The following KCNJ1 variants were observed in gnomAD, a reference collection of about 807,000 sequenced individuals.
KCNJ1 encodes ATP-sensitive inward rectifier potassium channel 1.
A neutral mutation model predicts 21.9 loss-of-function variants in KCNJ1; 24 were observed. The observed-to-expected ratio is 1.10, with a 90% CI of 0.79 to 1.54. KCNJ1 has a LOEUF of 1.54. KCNJ1 is among the 40% of genes most tolerant of loss of function. The pLI, the probability that KCNJ1 is intolerant of heterozygous loss-of-function variation, is 0.00. For synonymous variants in KCNJ1, 152 were observed against 160.9 expected (o/e 0.94, Z 0.42); for missense variants, 457 against 455.4 (o/e 1.00, Z -0.03).
At chr11:128,866,828 T>C (rs2135966627) in intron 1 of KCNJ1, among the ~76,000 whole-genome samples, 1 of 152,292 alleles carries the variant, frequency 6.6e-6, no homozygotes, top group African/African-American at 2.4e-5. Context: ...AAGGTCTTGC[T>C]ACAATTGAAA....
At chr11:128,852,211 C>T (rs1943489191) in intron 1 of KCNJ1, among the ~76,000 whole-genome samples, 1 of 152,234 alleles carries the variant, frequency 6.6e-6, no homozygotes, top group African/African-American at 2.4e-5. Context: ...TACCTTGAGT[C>T]ATACTACGTG....
chr11:128,839,312 G>T lies in KCNJ1; in HGVS notation c.932C>A (p.Ser311Tyr), dbSNP rs1462790981. 5.0e-6 allele frequency: 8 copies of T among 1,614,082 alleles called. No homozygotes were observed. The East Asian group carries it at 1.8e-4, about 36-fold the overall frequency. Residue 311 changes from serine to tyrosine, a missense_variant, in exon 3 of 3, where the codon TCC becomes TAC. Ser to Tyr is a moderately radical substitution (Grantham distance 144, BLOSUM62 -2). Coordinates refer to ENST00000392666, the MANE Select transcript of KCNJ1 (RefSeq NM_153766.3). ...LWGYRFAPIV[S>Y]KTKEGKYRVD... ...TCGGTATTTCCCTTCCTTTGTCTTGGATACTATGGGAGCAAAACGGTAGCC... is the reference window on the plus strand; with the variant it reads ...TCGGTATTTCCCTTCCTTTGTCTTGTATACTATGGGAGCAAAACGGTAGCC...
At chr11:128,854,700 C>A (rs959730357) in intron 1 of KCNJ1, among the ~76,000 whole-genome samples, 1 of 152,214 alleles carries the variant, frequency 6.6e-6, no homozygotes, top group Non-Finnish European at 1.5e-5. Flanking sequence ...TCCTTGCGTA[C>A]TTCCTGAATA....
chr11:128,863,237 T>C (rs2135962903), intron 1 of KCNJ1, among the ~76,000 whole-genome samples: 1 of 152,328 alleles, frequency 6.6e-6, no homozygotes, highest in Admixed American at 6.5e-5. Flanking sequence ...ATACAATTCC[T>C]GAATCCCAGC....
intron 1 of KCNJ1, among the ~76,000 whole-genome samples, chr11:128,853,891 G>A (rs965665331): frequency 6.6e-6 from 1 of 152,230 alleles, no homozygotes; most frequent in South Asian, 2.1e-4. Context: ...AGTACGGAAA[G>A]TATTATTCTG....
chr11:128,852,758 C>T lies in KCNJ1; in HGVS notation c.-191-1868G>A, dbSNP rs551081549. Among the ~76,000 whole-genome samples, 149 of 152,376 alleles carry T rather than the reference C, an allele frequency of 9.8e-4. 1 individual carries two copies. The highest frequency in any genetic ancestry group is 3.5e-3 in the African/African-American group (145 of 41,590). ...ACAGGACACTGCCCGGGAGACTTCC[C>T]AGCTGCGTCCTCCAGCAAATGTCTT... On this transcript the variant is annotated intron_variant, in intron 1 of 2. Transcript: ENST00000392666.
intron 1 of KCNJ1, among the ~76,000 whole-genome samples, chr11:128,853,564 C>T (rs913648468): frequency 6.6e-6 from 1 of 152,144 alleles, no homozygotes; most frequent in Non-Finnish European, 1.5e-5. Context: ...TGAAAATGTT[C>T]CGGTATTGAT....
At chr11:128,866,588 G>A in intron 1 of KCNJ1, 1 of 928,670 alleles carries the variant, frequency 1.1e-6, no homozygotes, top group Non-Finnish European at 1.3e-6. Flanking sequence ...ACAGTCATTA[G>A]GAAGCTGAAC....
intron 1 of KCNJ1, among the ~76,000 whole-genome samples, chr11:128,855,118 A>G (rs953063571): frequency 6.6e-6 from 1 of 152,190 alleles, no homozygotes; most frequent in Non-Finnish European, 1.5e-5. Flanking sequence ...AGTTGCTAAG[A>G]AACGTAAGGA....
At chr11:128,846,418 C>G (rs1943380518) in intron 2 of KCNJ1, among the ~76,000 whole-genome samples, 1 of 152,168 alleles carries the variant, frequency 6.6e-6, no homozygotes, top group Admixed American at 6.5e-5. Flanking sequence ...TCAGGGGTCA[C>G]TGGTCCAGGC....
chr11:128,845,452 T>G (rs1346984537), intron 2 of KCNJ1, among the ~76,000 whole-genome samples: 1 of 152,298 alleles, frequency 6.6e-6, no homozygotes, highest in East Asian at 1.9e-4. Context: ...CTTCCTGTTT[T>G]CTATGAAAAT....
intron 1 of KCNJ1, among the ~76,000 whole-genome samples, chr11:128,859,549 A>G (rs1943659785): frequency 6.6e-6 from 1 of 152,232 alleles, no homozygotes; most frequent in African/African-American, 2.4e-5. Context: ...GCTCCCGGAC[A>G]GAACCCAGAT....
chr11:128,866,971 G>C (rs895144654), intron 1 of KCNJ1, among the ~76,000 whole-genome samples: 2 of 152,140 alleles, frequency 1.3e-5, no homozygotes, highest in African/African-American at 4.8e-5. Context: ...GGGAAGGCAA[G>C]ATGCAGCACA....
In KCNJ1 at chr11:128,839,764, T is replaced by A; in HGVS notation, c.480A>T (p.Leu160Phe). The A allele has an allele frequency of 1.9e-6, 3 of 1,614,004 alleles. No homozygotes were observed. Among genetic ancestry groups the A allele is most frequent in the Non-Finnish European group, 2.5e-6 (3 of 1,180,022 alleles). ...IINSFMCGAI[L>F]AKISRPKKRA... ...GTTTTTTGGGCCTGGAGATCTTGGC[T>A]AAGATGGCCCCACACATGAAAGAAT... Residue 160 changes from leucine (L) to phenylalanine (F), a missense_variant, in exon 3 of 3, where the codon TTA (leucine) becomes TTT (phenylalanine). Leu to Phe is a conservative substitution (Grantham distance 22). Coordinates refer to ENST00000392666, the MANE Select transcript of KCNJ1 (RefSeq NM_153766.3).
chr11:128,860,152 G>A (rs1943677226), intron 1 of KCNJ1, among the ~76,000 whole-genome samples: 1 of 152,238 alleles, frequency 6.6e-6, no homozygotes, highest in Admixed American at 6.5e-5. Context: ...TCATCTGTCA[G>A]ATGACAATGA....
intron 2 of KCNJ1, among the ~76,000 whole-genome samples, chr11:128,847,075 T>C (rs1347070540): frequency 6.6e-6 from 1 of 152,122 alleles, no homozygotes; most frequent in Non-Finnish European, 1.5e-5. Context: ...TCTTCTCACC[T>C]AGATAATAAG....
At position 128,839,174 on chromosome 11, in the gene KCNJ1, G is replaced by A. The variant is rs1165283388; in HGVS notation, c.1070C>T (p.Pro357Leu). Residue 357 changes from proline to leucine, a missense_variant, in exon 3 of 3, where the codon CCC (proline) becomes CTC (leucine). Physicochemically the swap from Pro to Leu is moderately conservative, Grantham distance 98. Transcript: ENST00000392666. ...ATTGACTTCTGACAAGATGAAGTTG[G>A]GGTTGTCATAGCCTCTCTTCATCCT... is the stretch of plus-strand genomic sequence containing the variant. ...RARMKRGYDN[P>L]NFILSEVNET... 1.2e-6 allele frequency: 2 copies of A among 1,614,102 alleles called. No individual in the cohort carries two copies. The highest frequency in any genetic ancestry group is 1.1e-5 in the South Asian group (1 of 91,074).
chr11:128,847,677 G>T (rs1943404441), intron 2 of KCNJ1, among the ~76,000 whole-genome samples: 1 of 152,172 alleles, frequency 6.6e-6, no homozygotes, highest in African/African-American at 2.4e-5. Flanking sequence ...TTGGGTCCCA[G>T]TGGGAAGCGC....
In KCNJ1 at chr11:128,839,590, A is replaced by G; in HGVS notation, c.654T>C (p.Pro218=). Reference sequence around the variant, plus strand: ...GGTCCAAAATAATGGTCTCTCCTTCAGGAGTGACTGTGGTCTTCAGAAGCT... The same window carrying G: ...GGTCCAAAATAATGGTCTCTCCTTCGGGAGTGACTGTGGTCTTCAGAAGCT... ...YGKLLKTTVT[P]EGETIILDQI... is the part of the protein sequence containing the mutation. The change falls in exon 3 of 3, where the codon CCT becomes CCC. Residue 218 remains proline, a synonymous_variant. Transcript: ENST00000392666. 1.9e-6 allele frequency: 3 copies of G among 1,614,158 alleles called. No homozygotes were observed. The highest frequency in any genetic ancestry group is 2.5e-6 in the Non-Finnish European group (3 of 1,179,998).
Sources: gnomAD v4.1 joint callset for allele counts (sites outside exome capture counted in the v4.1 genomes callset) on GRCh38, gnomAD v4.1.1 for gene constraint, MANE v1.5 for transcripts, NCBI Gene and HGNC (gene_info 2026-07-23, HGNC 2026-07-21) for gene names.